COBLL1: variants seen among roughly 807,000 people sequenced by gnomAD.
The protein encoded by COBLL1 is cordon-bleu protein-like 1.
In COBLL1, 50 loss-of-function variants were observed where a neutral mutation model predicts 94.8. The ratio of observed to expected loss-of-function variants is 0.53; its 90% confidence interval spans 0.42 to 0.67. The LOEUF (loss-of-function observed/expected upper bound fraction) is 0.67, where lower values mean the gene tolerates loss of function less well. Among genes scored for constraint, COBLL1 ranks in the 30% least tolerant of loss-of-function variants. The probability of loss-of-function intolerance (pLI) is 0.00; values close to 1 mark genes in which losing one functional copy is unlikely to be tolerated. For missense variants in COBLL1, 1,362 were observed against 1,348.7 expected (o/e 1.01, Z -0.15); for synonymous variants, 448 against 473.8 (o/e 0.95, Z 0.71).
intron 2 of COBLL1, among the ~76,000 whole-genome samples, chr2:164,828,300 A>T (rs1685529458): frequency 6.6e-6 from 1 of 152,210 alleles, no homozygotes; most frequent in African/African-American, 2.4e-5. Flanking sequence ...TACACAAAAG[A>T]AGGAATAAAG....
chr2:164,671,392 A>G (rs1332122105), intron 1 of COBLL1, among the ~76,000 whole-genome samples: 1 of 152,042 alleles, frequency 6.6e-6, no homozygotes, highest in Non-Finnish European at 1.5e-5. Context: ...GGCCCTTGCT[A>G]TGAAGTGCAA....
Position 164,680,529 on chromosome 2 carries a change from C to T in COBLL1, c.*5417G>A, listed in dbSNP as rs1682988830. The T allele has an allele frequency of 1.3e-5, 2 of 152,192 alleles. No individual in the cohort carries two copies. The highest frequency in any genetic ancestry group is 6.5e-5 in the Admixed American group (1 of 15,268). 9.4% of individuals were successfully genotyped at this position (152,192 alleles called of 1,614,324 possible). A position where few individuals can be genotyped will look rare whatever the true frequency, so the allele number is the denominator to read the frequency against. On this transcript the variant is annotated 3_prime_UTR_variant, in exon 14 of 14. Coordinates refer to ENST00000652658, the MANE Select transcript of COBLL1 (RefSeq NM_001365672.2). ...GGTGAGTTACTCTTTTCCGTAATGA[C>T]GCCTCTTGGTTTCTTGACTTAGGGA... is the stretch of plus-strand genomic sequence containing the variant.
At chr2:164,776,614 C>T (rs1688476754) in intron 2 of COBLL1, among the ~76,000 whole-genome samples, 1 of 151,936 alleles carries the variant, frequency 6.6e-6, no homozygotes, top group South Asian at 2.1e-4. Flanking sequence ...CCGCCCACCG[C>T]CAACCTGGTT....
At chr2:164,662,863 G>A (rs1187807489) in intron 2 of COBLL1, among the ~76,000 whole-genome samples, 1 of 152,126 alleles carries the variant, frequency 6.6e-6, no homozygotes, top group Admixed American at 6.6e-5. Flanking sequence ...GACCTCCCCA[G>A]AAGTTAAGCA....
rs559818080 is a variant in COBLL1 at position 164,836,369 on chromosome 2, T to TA, written c.41+4786dup. Among the ~76,000 whole-genome samples, 174 of 152,302 alleles carry TA rather than the reference T, an allele frequency of 1.1e-3. 1 individual carries two copies. Among genetic ancestry groups the TA allele is most frequent in the African/African-American group, 4.1e-3 (170 of 41,576 alleles). On this transcript the variant is annotated intron_variant, in intron 2 of 13. Coordinates refer to ENST00000652658, the MANE Select transcript of COBLL1 (RefSeq NM_001365672.2). ...TATATGCATTGAAATTTATAGTTTT[T>TA]AAATATAAAATGTAAACATAATTTT...
At position 164,683,587 on chromosome 2, in the gene COBLL1, G is replaced by A. The variant is rs1450509984; in HGVS notation, c.*2359C>T. On this transcript the variant is annotated 3_prime_UTR_variant, in exon 14 of 14. Transcript: ENST00000652658. ...CAAACAGCAGTTTATAAAATACTAC[G>A]AACACAATTGATGCCTCTTATAAAT... The A allele has an allele frequency of 6.6e-6, 1 of 151,942 alleles. No homozygotes were observed. The highest frequency in any genetic ancestry group is 1.9e-4 in the East Asian group (1 of 5,178). The allele number at this position is 151,942 out of a possible 1,614,324, so 9.4% of individuals were successfully genotyped here.
intron 2 of COBLL1, among the ~76,000 whole-genome samples, chr2:164,830,080 C>T (rs563188094): frequency 1.3e-4 from 20 of 152,332 alleles, no homozygotes; most frequent in African/African-American, 3.6e-4. Context: ...ACGAGTTCCT[C>T]AGTATAAGTA....
At chr2:164,779,670 T>TTC in intron 2 of COBLL1, 1 of 470,874 alleles carries the variant, frequency 2.1e-6, no homozygotes, top group Non-Finnish European at 4.4e-6. Flanking sequence ...GGCAGGGATA[T>TTC]TCTCTCTGAG....
intron 1 of COBLL1, among the ~76,000 whole-genome samples, chr2:164,672,343 G>C (rs1028581842): frequency 2.0e-5 from 3 of 152,158 alleles, no homozygotes; most frequent in African/African-American, 7.2e-5. Flanking sequence ...TAGACAAATA[G>C]TATCACTTAA....
intron 2 of COBLL1, among the ~76,000 whole-genome samples, chr2:164,767,419 G>A (rs1687988938): frequency 1.3e-5 from 2 of 152,242 alleles, no homozygotes; most frequent in Admixed American, 1.3e-4. Context: ...TTATAAAAAG[G>A]TCAGGTAAAG....
intron 2 of COBLL1, among the ~76,000 whole-genome samples, chr2:164,818,769 CAT>C (rs752386836): frequency 5.7e-5 from 8 of 139,492 alleles, no homozygotes; most frequent in Admixed American, 3.0e-4. Flanking sequence ...CTTATGTAAA[CAT>C]ATATATATAT....
At chr2:164,774,887 C>T (rs355869) in intron 2 of COBLL1, among the ~76,000 whole-genome samples, 34,970 of 149,792 alleles carry the variant, frequency 0.23, 4,730 homozygotes, top group African/African-American at 0.37. Flanking sequence ...AAAAAGTAAC[C>T]ATGTGAGGAG....
Position 164,841,417 on chromosome 2 carries a change from C to T in COBLL1, c.-50-171G>A. 8.6e-7 allele frequency: 1 copy of T among 1,161,956 alleles called. No individual in the cohort carries two copies. Among genetic ancestry groups the T allele is most frequent in the Non-Finnish European group, 1.1e-6 (1 of 943,818 alleles). The allele number at this position is 1,161,956 out of a possible 1,614,324, so 72.0% of individuals were successfully genotyped here. A position where few individuals can be genotyped will look rare whatever the true frequency, so the allele number is the denominator to read the frequency against. ...GCTCCCAGCCCGCGGGCGCCGCCGC[C>T]GTCTCTACAAGGTCTAGCGGGCGCC... On this transcript the variant is annotated intron_variant, in intron 1 of 13. Coordinates refer to ENST00000652658, the MANE Select transcript of COBLL1 (RefSeq NM_001365672.2). The surrounding 1 kb of genome is among the most constrained non-coding windows in gnomAD (Gnocchi z 5.5).
intron 2 of COBLL1, among the ~76,000 whole-genome samples, chr2:164,756,034 G>A (rs552895436): frequency 2.8e-5 from 4 of 143,986 alleles, no homozygotes; most frequent in East Asian, 2.4e-4. Flanking sequence ...ACATACGTGC[G>A]TATAGTGTGT....
At chr2:164,779,022 T>A (rs355894) in intron 2 of COBLL1, among the ~76,000 whole-genome samples, 79,425 of 151,916 alleles carry the variant, frequency 0.52, 23,000 homozygotes, top group African/African-American at 0.78. Context: ...AAATGAGTCA[T>A]TCAGGATTTT....
intron 10 of COBLL1, 82 bp from the exon 11 acceptor site, chr2:164,699,581 A>ACAC: frequency 4.1e-6 from 3 of 732,320 alleles, no homozygotes; most frequent in Non-Finnish European, 7.1e-6. Context: ...ACACACACAC[A>ACAC]ATGAGAAACA....
intron 2 of COBLL1, among the ~76,000 whole-genome samples, chr2:164,750,372 C>A (rs1314864504): frequency 1.3e-5 from 2 of 152,198 alleles, no homozygotes; most frequent in Non-Finnish European, 2.9e-5. Flanking sequence ...CTCCAGCAGG[C>A]ATACTTTAAT....
intron 2 of COBLL1, among the ~76,000 whole-genome samples, chr2:164,816,388 C>T (rs1371571197): frequency 6.6e-6 from 1 of 152,092 alleles, no homozygotes; most frequent in Non-Finnish European, 1.5e-5. Flanking sequence ...GGACCAGACA[C>T]CCCGCATTCT....
intron 2 of COBLL1, among the ~76,000 whole-genome samples, chr2:164,750,286 A>T (rs1687063983): frequency 6.6e-6 from 1 of 152,084 alleles, no homozygotes; most frequent in Admixed American, 6.6e-5. Context: ...CCTCATTCTC[A>T]CACAAACCTA....
Sources: gnomAD v4.1 joint callset for allele counts (sites outside exome capture counted in the v4.1 genomes callset) on GRCh38, gnomAD v4.1.1 for gene constraint, Gnocchi (gnomAD v3.1) non-coding constraint, MANE v1.5 for transcripts, NCBI Gene and HGNC (gene_info 2026-07-23, HGNC 2026-07-21) for gene names.